The following AGMO variants were observed in gnomAD, a reference collection of about 807,000 sequenced individuals.
AGMO encodes glyceryl-ether monooxygenase.
In AGMO, 75 loss-of-function variants were observed where a neutral mutation model predicts 60.2. The observed-to-expected ratio is 1.25, with a 90% CI of 1.03 to 1.51. The LOEUF (loss-of-function observed/expected upper bound fraction) is 1.51, where lower values mean the gene tolerates loss of function less well. Among genes scored for constraint, AGMO ranks in the 40% most tolerant of loss-of-function variants. The pLI is 0.00. For missense variants in AGMO, 763 were observed against 525.5 expected (o/e 1.45, Z -4.42); for synonymous variants, 261 against 177.1 (o/e 1.47, Z -3.76).
intron 10 of AGMO, among the ~76,000 whole-genome samples, chr7:15,369,030 T>C (rs1331789085): frequency 1.3e-5 from 2 of 152,100 alleles, no homozygotes; most frequent in East Asian, 3.9e-4. Context: ...TGATACCTCC[T>C]AGCCTTCTGT....
intron 10 of AGMO, among the ~76,000 whole-genome samples, chr7:15,376,599 T>C (rs1295922760): frequency 6.6e-6 from 1 of 152,156 alleles, no homozygotes; most frequent in Non-Finnish European, 1.5e-5. Context: ...GTAACTTTAT[T>C]ACATATCCTA....
chr7:15,137,572 C>T, the AGMO span, among the ~76,000 whole-genome samples: 6 of 152,094 alleles, frequency 3.9e-5, no homozygotes, highest in African/African-American at 9.6e-5. Context: ...CAGTGCTGGT[C>T]GAGGTGGACA....
In AGMO at chr7:15,504,832, T is replaced by C. The variant is rs534933842; in HGVS notation, c.409+39940A>G. 6.4e-4 allele frequency among the ~76,000 whole-genome samples: 97 copies of C among 151,482 alleles called. 1 individual carries two copies. The highest frequency in any genetic ancestry group is 4.6e-4 in the Admixed American group (7 of 15,168). The stretch of plus-strand genomic sequence containing the variant: ...CATCCTGTCATGAGTCCTAGAAGAA[T>C]GTCCCTAATCTGGAACTGAAGACTC... On this transcript the variant is annotated intron_variant, in intron 3 of 12. Coordinates refer to ENST00000342526, the MANE Select transcript of AGMO (RefSeq NM_001004320.2).
At chr7:15,388,902 T>C (rs1457926421) in intron 8 of AGMO, among the ~76,000 whole-genome samples, 1 of 152,156 alleles carries the variant, frequency 6.6e-6, no homozygotes, top group Non-Finnish European at 1.5e-5. Flanking sequence ...TGGCAATTAC[T>C]ATGCTGAAGG....
At chr7:15,373,360 A>G (rs562583813) in intron 10 of AGMO, among the ~76,000 whole-genome samples, 2 of 152,178 alleles carry the variant, frequency 1.3e-5, no homozygotes, top group African/African-American at 4.8e-5. Context: ...AGCCCCAATT[A>G]CGCCTGCAGA....
chr7:15,389,822 A>G (rs190695093), intron 8 of AGMO, among the ~76,000 whole-genome samples: 10 of 152,252 alleles, frequency 6.6e-5, no homozygotes, highest in Admixed American at 4.6e-4. Flanking sequence ...TACATTAAAT[A>G]TTTTTCTGCT....
At chr7:15,162,556 C>T in the AGMO span, among the ~76,000 whole-genome samples, 56 of 152,066 alleles carry the variant, frequency 3.7e-4, no homozygotes, top group Admixed American at 3.5e-3. Context: ...TAGCTGGGTA[C>T]GGTGGCATGC....
At chr7:15,475,844 G>C (rs903022486) in intron 3 of AGMO, among the ~76,000 whole-genome samples, 1 of 152,038 alleles carries the variant, frequency 6.6e-6, no homozygotes, top group Non-Finnish European at 1.5e-5. Context: ...AGGATTAAAA[G>C]AAGATGGAAT....
chr7:15,362,992 T>G (rs1782823802), intron 12 of AGMO, among the ~76,000 whole-genome samples: 3 of 152,320 alleles, frequency 2.0e-5, no homozygotes, highest in Admixed American at 2.0e-4. Context: ...AGACAAGTTG[T>G]GTACACCCCT....
chr7:15,279,230 C>T (rs1181989699), intron 12 of AGMO, among the ~76,000 whole-genome samples: 5 of 151,960 alleles, frequency 3.3e-5, no homozygotes, highest in Admixed American at 6.6e-5. Context: ...TCACTCATCC[C>T]TTCCCTGCAT....
the AGMO span, among the ~76,000 whole-genome samples, chr7:15,152,755 T>A: frequency 6.6e-6 from 1 of 152,192 alleles, no homozygotes; most frequent in Non-Finnish European, 1.5e-5. Flanking sequence ...TAATGGGCAT[T>A]TGGGCTGGTT....
chr7:15,302,346 A>G (rs1293303678), intron 12 of AGMO, among the ~76,000 whole-genome samples: 1 of 152,150 alleles, frequency 6.6e-6, no homozygotes, highest in East Asian at 1.9e-4. Context: ...TAGACCATGA[A>G]CTTTCTTCAA....
chr7:15,163,800 C>A, the AGMO span, among the ~76,000 whole-genome samples: 1,053 of 151,692 alleles, frequency 6.9e-3, 14 homozygotes, highest in African/African-American at 0.024. Flanking sequence ...ATTGTTGTGC[C>A]CTTGCCTGAT....
At chr7:15,338,598 A>T (rs1002116945) in intron 12 of AGMO, among the ~76,000 whole-genome samples, 1 of 152,148 alleles carries the variant, frequency 6.6e-6, no homozygotes, top group African/African-American at 2.4e-5. Flanking sequence ...AGTTCCTAAA[A>T]ACTGAAACAA....
At chr7:15,554,788 T>C (rs73068304) in intron 2 of AGMO, among the ~76,000 whole-genome samples, 14 of 152,210 alleles carry the variant, frequency 9.2e-5, no homozygotes, top group Non-Finnish European at 1.8e-4. Context: ...TAAATGTTAT[T>C]TGGGGATTGA....
At position 15,507,253 on chromosome 7, in the gene AGMO, G is replaced by T. The variant is rs112355704; in HGVS notation, c.409+37519C>A. On this transcript the variant is annotated intron_variant, in intron 3 of 12. Transcript: ENST00000342526. ...AGAACAAGCTTCAGAAAGCCACAAT[G>T]ACTGGAAAATTATCAACATAGGGAT... Among the ~76,000 whole-genome samples the T allele has an allele frequency of 1.4e-4, 22 of 152,066 alleles. No homozygotes were observed. In the South Asian group the frequency reaches 3.3e-3, roughly 23 times the overall value.
At chr7:15,227,459 G>A (rs1344905590) in intron 12 of AGMO, among the ~76,000 whole-genome samples, 1 of 150,856 alleles carries the variant, frequency 6.6e-6, no homozygotes, top group Non-Finnish European at 1.5e-5. Flanking sequence ...ACAACAAAAT[G>A]GTGAAAACGG....
chr7:15,246,972 A>G (rs1055180066), intron 12 of AGMO, among the ~76,000 whole-genome samples: 1 of 152,052 alleles, frequency 6.6e-6, no homozygotes, highest in Admixed American at 6.6e-5. Context: ...TGCCTGGCTA[A>G]TTTGTGTACT....
downstream of AGMO, among the ~76,000 whole-genome samples, chr7:15,197,361 A>T (rs1007334010): frequency 5.9e-5 from 9 of 152,200 alleles, no homozygotes; most frequent in Admixed American, 5.2e-4. Flanking sequence ...TAAATTATAT[A>T]ATCACTAGTA....
Sources: allele counts gnomAD v4.1 joint callset (sites outside exome capture counted in the v4.1 genomes callset), GRCh38; gene constraint gnomAD v4.1.1; transcripts MANE v1.5; gene names NCBI Gene and HGNC (gene_info 2026-07-23, HGNC 2026-07-21).